Variants in SH3BP5 observed in about 807,000 individuals in gnomAD.
SH3BP5 encodes the protein SH3 domain-binding protein 5.
Under a neutral mutation model 43.3 loss-of-function variants are expected in SH3BP5, and 22 were observed. The ratio of observed to expected loss-of-function variants is 0.51; its 90% CI spans 0.36 to 0.73. SH3BP5 has a LOEUF of 0.73. SH3BP5 is among the 30% of genes least tolerant of loss of function. The pLI is 0.00. For missense variants in SH3BP5, 529 were observed against 586.9 expected, an observed-to-expected ratio of 0.90 and a Z score of 1.02; for synonymous variants, 255 against 225.8, an observed-to-expected ratio of 1.13 and a Z score of -1.16.
chr3:15,324,930 T>G (rs901730430), intron 2 of SH3BP5, among the ~76,000 whole-genome samples: 6 of 149,770 alleles, frequency 4.0e-5, no homozygotes, highest in African/African-American at 1.5e-4. Flanking sequence ...AGATAATGAG[T>G]GCTGGCTTAA....
intron 4 of SH3BP5, among the ~76,000 whole-genome samples, chr3:15,267,167 G>A (rs564325110): frequency 3.9e-5 from 6 of 152,338 alleles, no homozygotes; most frequent in South Asian, 4.1e-4. Flanking sequence ...TGCCAGGCCC[G>A]TGAGGCTCTA....
intron 3 of SH3BP5, among the ~76,000 whole-genome samples, chr3:15,293,446 C>T (rs1337175777): frequency 6.6e-6 from 1 of 152,222 alleles, no homozygotes; most frequent in Non-Finnish European, 1.5e-5. Flanking sequence ...GAACAGGGCA[C>T]CATGAGGGGA....
chr3:15,305,967 T>G (rs1396590600), intron 2 of SH3BP5, among the ~76,000 whole-genome samples: 3 of 151,252 alleles, frequency 2.0e-5, no homozygotes, highest in Admixed American at 6.6e-5. Context: ...AGGTCAGTGA[T>G]TCAAACCCCA....
intron 3 of SH3BP5, chr3:15,275,583 C>T (rs1180442709): frequency 6.6e-6 from 1 of 152,192 alleles, no homozygotes; most frequent in African/African-American, 2.4e-5. Context: ...GAAGTGAGGC[C>T]CTGCTTATAA....
At chr3:15,316,173 C>T (rs1698178556) in intron 2 of SH3BP5, among the ~76,000 whole-genome samples, 1 of 145,386 alleles carries the variant, frequency 6.9e-6, no homozygotes, top group African/African-American at 2.5e-5. Context: ...AATTTTTAAA[C>T]AATATGAGCC....
At chr3:15,322,259 A>G (rs1242065104) in intron 2 of SH3BP5, among the ~76,000 whole-genome samples, 1 of 152,018 alleles carries the variant, frequency 6.6e-6, no homozygotes, top group Non-Finnish European at 1.5e-5. Flanking sequence ...ATATTCTTTT[A>G]CTATATATAT....
chr3:15,279,433 A>T (rs1281066875), intron 3 of SH3BP5, among the ~76,000 whole-genome samples: 1 of 152,220 alleles, frequency 6.6e-6, no homozygotes, highest in Non-Finnish European at 1.5e-5. Context: ...GCCCTTTAAT[A>T]TGTCGGAGCA....
At chr3:15,311,143 T>G (rs552171390) in intron 2 of SH3BP5, among the ~76,000 whole-genome samples, 23 of 152,234 alleles carry the variant, frequency 1.5e-4, no homozygotes, top group African/African-American at 5.5e-4. Flanking sequence ...CTTCAAAAGA[T>G]CCTTACTAAT....
At chr3:15,294,592 GC>G (rs1377211357) in intron 3 of SH3BP5, among the ~76,000 whole-genome samples, 11 of 151,980 alleles carry the variant, frequency 7.2e-5, no homozygotes, top group Non-Finnish European at 1.6e-4. Context: ...TTATGTAAAG[GC>G]CCAGTCTTTG....
intron 7 of SH3BP5, 170 bp from the exon 8 acceptor site, chr3:15,257,283 A>G (rs975612104): frequency 1.7e-6 from 1 of 578,388 alleles, no homozygotes; most frequent in Non-Finnish European, 3.0e-6. Flanking sequence ...CCAGCCTCTA[A>G]AGCAGCTGGA....
At chr3:15,279,762 G>A (rs11128741) in intron 3 of SH3BP5, among the ~76,000 whole-genome samples, 23,178 of 151,986 alleles carry the variant, frequency 0.15, 1,831 homozygotes, top group East Asian at 0.28. Flanking sequence ...CCAGGGGTGA[G>A]TCTGACTCAA....
Position 15,332,325 on chromosome 3 carries a change from T to TTCCTCCTCC in SH3BP5, c.75_83dup (p.Glu27_Glu29dup). The TTCCTCCTCC allele has an allele frequency of 6.5e-7, 1 of 1,529,428 alleles. No individual in the cohort carries two copies. Among genetic ancestry groups the TTCCTCCTCC allele is most frequent in the Non-Finnish European group, 8.8e-7 (1 of 1,136,944 alleles). 94.7% of individuals were successfully genotyped at this position (1,529,428 alleles called of 1,614,324 possible). On this transcript the variant is annotated inframe_insertion, in exon 1 of 9. Transcript: ENST00000383791. ...CCTCCAGCCCCTGCTCCATCCCCTC[T>TTCCTCCTCC]TCCTCCTCCTCCTCCTCGTCCCGGG...
intron 1 of SH3BP5, among the ~76,000 whole-genome samples, chr3:15,331,531 G>A (rs2124830176): frequency 6.6e-6 from 1 of 152,270 alleles, no homozygotes. Context: ...CTAGATCTCG[G>A]CTTGGAAATT....
At chr3:15,276,060 G>A (rs1696956384) in intron 3 of SH3BP5, 1 of 139,680 alleles carries the variant, frequency 7.2e-6, no homozygotes, top group Non-Finnish European at 1.5e-5. Context: ...ATAAATGAAT[G>A]TGATGTGACC....
rs533423746 is a variant in SH3BP5 at position 15,300,164 on chromosome 3, T to C, written c.330+3939A>G. On this transcript the variant is annotated intron_variant, in intron 3 of 8. Transcript: ENST00000383791. ...TTTTTTTTGAAAAAAATATGGGATATACATCAAATAGTAAGAGAAGGTACT... is the reference window on the plus strand; with the variant it reads ...TTTTTTTTGAAAAAAATATGGGATACACATCAAATAGTAAGAGAAGGTACT... Among the ~76,000 whole-genome samples the C allele has an allele frequency of 4.6e-5, 7 of 152,338 alleles. 1 individual carries two copies. In the South Asian group the frequency reaches 1.4e-3, roughly 32 times the overall value.
intron 2 of SH3BP5, among the ~76,000 whole-genome samples, chr3:15,323,301 C>T (rs1383923676): frequency 1.3e-5 from 2 of 152,182 alleles, no homozygotes; most frequent in Admixed American, 6.5e-5. Flanking sequence ...TGACCCCCTT[C>T]CCAGTGCCAA....
chr3:15,265,520 A>T (rs1384606557), intron 4 of SH3BP5, among the ~76,000 whole-genome samples: 3 of 120,180 alleles, frequency 2.5e-5, no homozygotes, highest in African/African-American at 8.8e-5. Context: ...CGTCACACAC[A>T]CACACACACA....
At chr3:15,314,567 G>T (rs1212826460) in intron 2 of SH3BP5, among the ~76,000 whole-genome samples, 1 of 152,244 alleles carries the variant, frequency 6.6e-6, no homozygotes, top group East Asian at 1.9e-4. Flanking sequence ...GAGCCAGGAA[G>T]AAGCAGAGGT....
At position 15,269,805 on chromosome 3, in the gene SH3BP5, T is replaced by C. The variant is rs1158283515; in HGVS notation, c.403A>G (p.Thr135Ala). ...ATEVLRAAKE[T>A]ISLAEQRLLE... is the part of the protein sequence containing the mutation. Reference sequence around the variant, plus strand: ...AGCCGCTGCTCGGCCAGGGAGATGGTCTCCTTGGCGGCACGGAGCACCTCT... The same window carrying C: ...AGCCGCTGCTCGGCCAGGGAGATGGCCTCCTTGGCGGCACGGAGCACCTCT... Residue 135 changes from threonine (T) to alanine (A), a missense_variant, in exon 4 of 9, where the codon ACC (threonine) becomes GCC (alanine). Thr to Ala is a moderately conservative substitution (Grantham distance 58, BLOSUM62 0). Transcript: ENST00000383791. 7.4e-6 allele frequency: 12 copies of C among 1,611,042 alleles called. No homozygotes were observed. The highest frequency in any genetic ancestry group is 1.0e-5 in the Non-Finnish European group (12 of 1,177,934).
Sources: gnomAD v4.1 joint callset for allele counts (sites outside exome capture counted in the v4.1 genomes callset) on GRCh38, gnomAD v4.1.1 for gene constraint, MANE v1.5 for transcripts, NCBI Gene and HGNC (gene_info 2026-07-23, HGNC 2026-07-21) for gene names.